ARHGAP42: variants seen among roughly 807,000 people sequenced by gnomAD.
The protein encoded by ARHGAP42 is rho GTPase-activating protein 42.
Under a neutral mutation model 125.0 loss-of-function variants are expected in ARHGAP42, and 63 were observed. That is an observed-to-expected ratio of 0.50 (90% CI 0.41 to 0.62). The LOEUF (loss-of-function observed/expected upper bound fraction) is 0.62, where lower values mean the gene tolerates loss of function less well. Ranked by LOEUF, ARHGAP42 falls within the 20% of genes least tolerant of loss-of-function variation. ARHGAP42 has a pLI of 0.00. For synonymous variants in ARHGAP42, 339 were observed against 351.0 expected (o/e 0.97, Z 0.38); for missense variants, 766 against 1,024.2 (o/e 0.75, Z 3.44).
chr11:100,940,026 CATCACATGTAACAGAATT>C (rs1867835029), intron 8 of ARHGAP42, among the ~76,000 whole-genome samples: 2 of 152,126 alleles, frequency 1.3e-5, no homozygotes, highest in Non-Finnish European at 2.9e-5. Flanking sequence ...AGGTATTTTA[CATCACATGTAACAGAATT>C]ATCAACAAGT....
intron 3 of ARHGAP42, among the ~76,000 whole-genome samples, chr11:100,847,696 A>T (rs1249477989): frequency 6.6e-6 from 1 of 152,154 alleles, no homozygotes; most frequent in African/African-American, 2.4e-5. Context: ...GGCACAGAAG[A>T]TGAAGGAGAG....
chr11:100,892,741 C>T (rs924497726), intron 4 of ARHGAP42, among the ~76,000 whole-genome samples: 10 of 152,080 alleles, frequency 6.6e-5, no homozygotes, highest in African/African-American at 2.4e-4. Flanking sequence ...AAAATAAAAG[C>T]ACATTTTCTT....
chr11:100,959,842 T>C (rs1818539875), intron 12 of ARHGAP42, 41 bp from the exon 13 acceptor site: 3 of 1,533,326 alleles, frequency 2.0e-6, no homozygotes, highest in Non-Finnish European at 2.7e-6. Context: ...GGAATGTGAG[T>C]TCAGCGTAAA....
chr11:100,729,953 G>A (rs61910503), intron 1 of ARHGAP42, among the ~76,000 whole-genome samples: 9,419 of 151,720 alleles, frequency 0.062, 410 homozygotes, highest in East Asian at 0.21. Context: ...TGGGATTACA[G>A]GCACCCACCA....
chr11:100,779,365 A>G (rs1409987729), intron 2 of ARHGAP42, among the ~76,000 whole-genome samples: 4 of 149,274 alleles, frequency 2.7e-5, no homozygotes, highest in African/African-American at 9.9e-5. Context: ...GAATTGCTTG[A>G]ACCTGGGAGG....
intron 1 of ARHGAP42, among the ~76,000 whole-genome samples, chr11:100,703,047 G>C (rs1191622600): frequency 6.6e-6 from 1 of 152,168 alleles, no homozygotes; most frequent in African/African-American, 2.4e-5. Context: ...ATTTTACTAA[G>C]AGCATGAGAT....
chr11:100,794,613 G>A (rs1863663165), intron 2 of ARHGAP42, among the ~76,000 whole-genome samples: 1 of 152,272 alleles, frequency 6.6e-6, no homozygotes, highest in Non-Finnish European at 1.5e-5. Context: ...TATGGAAGCT[G>A]TTTTCAATTA....
At chr11:100,806,605 T>TAA (rs774292847) in intron 3 of ARHGAP42, among the ~76,000 whole-genome samples, 1 of 135,288 alleles carries the variant, frequency 7.4e-6, no homozygotes, top group East Asian at 2.1e-4. Context: ...TTAAAAAAAA[T>TAA]AATAATAAAT....
chr11:100,712,212 C>T (rs763088368), intron 1 of ARHGAP42, among the ~76,000 whole-genome samples: 19 of 152,110 alleles, frequency 1.2e-4, no homozygotes, highest in Non-Finnish European at 2.6e-4. Flanking sequence ...TTTGAGTTCG[C>T]TGCAGTATTG....
intron 1 of ARHGAP42, among the ~76,000 whole-genome samples, chr11:100,689,528 A>G (rs1711785961): frequency 6.6e-6 from 1 of 152,220 alleles, no homozygotes; most frequent in African/African-American, 2.4e-5. Flanking sequence ...TACGAGTGAC[A>G]TTACATACTT....
At chr11:100,795,701 T>C (rs192383560) in intron 3 of ARHGAP42, among the ~76,000 whole-genome samples, 1 of 152,344 alleles carries the variant, frequency 6.6e-6, no homozygotes. Context: ...GAAACACTTA[T>C]CCATTCAAAA....
intron 2 of ARHGAP42, among the ~76,000 whole-genome samples, chr11:100,770,980 C>T (rs1001564824): frequency 2.0e-5 from 3 of 152,148 alleles, no homozygotes; most frequent in Non-Finnish European, 2.9e-5. Flanking sequence ...TCAGGTCAGC[C>T]GAGCTTTGAA....
At chr11:100,923,193 C>T (rs75373751) in intron 6 of ARHGAP42, among the ~76,000 whole-genome samples, 7,002 of 152,252 alleles carry the variant, frequency 0.046, 315 homozygotes, top group East Asian at 0.25. Context: ...CAGAATCCCA[C>T]CATGGTTTTT....
At position 100,989,966 on chromosome 11, in the gene ARHGAP42, A is replaced by G. The variant is rs972965729; in HGVS notation, c.*1165A>G. The G allele has an allele frequency of 1.3e-5, 2 of 152,182 alleles. No homozygotes were observed. The highest frequency in any genetic ancestry group is 2.9e-5 in the Non-Finnish European group (2 of 68,030). 9.4% of individuals were successfully genotyped at this position (152,182 alleles called of 1,614,324 possible). A position where few individuals can be genotyped will look rare whatever the true frequency, so the allele number is the denominator to read the frequency against. On this transcript the variant is annotated 3_prime_UTR_variant, in exon 24 of 24. Transcript: ENST00000298815. The stretch of plus-strand genomic sequence containing the variant: ...GATCTTCAGCAGAAATAAAATCTGT[A>G]CATGATTTTCTTTTATGCCTTTTAG...
At chr11:100,782,825 C>A (rs1407477824) in intron 2 of ARHGAP42, among the ~76,000 whole-genome samples, 1 of 152,174 alleles carries the variant, frequency 6.6e-6, no homozygotes, top group Non-Finnish European at 1.5e-5. Context: ...GGTACTATTT[C>A]TGCCATTGAA....
At chr11:100,959,612 G>C (rs1351024550) in intron 12 of ARHGAP42, among the ~76,000 whole-genome samples, 1 of 152,090 alleles carries the variant, frequency 6.6e-6, no homozygotes, top group Admixed American at 6.6e-5. Context: ...ACGTAGTAAA[G>C]GAGTAATGCT....
chr11:100,746,764 G>C (rs150162542), intron 1 of ARHGAP42, among the ~76,000 whole-genome samples: 270 of 152,234 alleles, frequency 1.8e-3, no homozygotes, highest in African/African-American at 6.0e-3. Flanking sequence ...CCATAGAAGC[G>C]CTCTAAAGTG....
At chr11:100,803,707 G>T (rs1183495340) in intron 3 of ARHGAP42, among the ~76,000 whole-genome samples, 2 of 152,136 alleles carry the variant, frequency 1.3e-5, no homozygotes, top group Non-Finnish European at 2.9e-5. Flanking sequence ...TCCAATCATT[G>T]TCTGACCCCT....
At chr11:100,789,249 T>C (rs895403286) in intron 2 of ARHGAP42, among the ~76,000 whole-genome samples, 1 of 152,248 alleles carries the variant, frequency 6.6e-6, no homozygotes, top group Non-Finnish European at 1.5e-5. Flanking sequence ...ATTGGTTCAA[T>C]CTGGCTTTTA....
Sources: gnomAD v4.1 joint callset for allele counts (sites outside exome capture counted in the v4.1 genomes callset) on GRCh38, gnomAD v4.1.1 for gene constraint, MANE v1.5 for transcripts, NCBI Gene and HGNC (gene_info 2026-07-23, HGNC 2026-07-21) for gene names.